The following HECW1 variants were observed in gnomAD, a reference collection of about 807,000 sequenced individuals.
HECW1 encodes the protein HECT, C2 and WW domain containing E3 ubiquitin protein ligase 1.
HECW1 carries 61 observed loss-of-function variants against 182.3 expected under a neutral mutation model. The ratio of observed to expected loss-of-function variants is 0.33; its 90% CI spans 0.27 to 0.41. The LOEUF (loss-of-function observed/expected upper bound fraction) is 0.41, where lower values mean the gene tolerates loss of function less well. Ranked by LOEUF, HECW1 falls within the 10% of genes least tolerant of loss-of-function variation. The pLI, the probability that HECW1 is intolerant of heterozygous loss-of-function variation, is 1.00. For missense variants in HECW1, 1,739 were observed against 2,108.9 expected, an observed-to-expected ratio of 0.82 and a Z score of 3.44; for synonymous variants, 859 against 832.6, an observed-to-expected ratio of 1.03 and a Z score of -0.55.
intron 24 of HECW1, among the ~76,000 whole-genome samples, chr7:43,520,346 G>A (rs1316244704): frequency 2.6e-5 from 4 of 152,096 alleles, no homozygotes; most frequent in Middle Eastern, 3.4e-3. Flanking sequence ...TGGACTCCTC[G>A]GATTCTCAGG....
intron 2 of HECW1, among the ~76,000 whole-genome samples, chr7:43,218,029 G>A (rs1796593709): frequency 6.6e-6 from 1 of 152,190 alleles, no homozygotes. Flanking sequence ...CACCAGCTAG[G>A]TATTAGGAAG....
At chr7:43,141,998 C>T (rs1027601851) in intron 2 of HECW1, among the ~76,000 whole-genome samples, 2 of 152,132 alleles carry the variant, frequency 1.3e-5, no homozygotes, top group African/African-American at 2.4e-5. Flanking sequence ...CTATTCCTCC[C>T]GAAAACCTGC....
At chr7:43,252,732 G>A (rs186129609) in intron 3 of HECW1, among the ~76,000 whole-genome samples, 120 of 152,322 alleles carry the variant, frequency 7.9e-4, no homozygotes, top group Middle Eastern at 6.8e-3. Context: ...ATAACTAGCA[G>A]TTGGCCAGAC....
intron 3 of HECW1, among the ~76,000 whole-genome samples, chr7:43,294,374 G>C (rs67210625): frequency 6.6e-6 from 1 of 152,148 alleles, no homozygotes; most frequent in African/African-American, 2.4e-5. Flanking sequence ...CATGGGGGGA[G>C]GGGGGAGGAT....
chr7:43,514,296 C>A (rs1049261110), intron 24 of HECW1, among the ~76,000 whole-genome samples: 3 of 141,482 alleles, frequency 2.1e-5, no homozygotes, highest in Non-Finnish European at 4.7e-5. Flanking sequence ...TTTTTCTTTT[C>A]TTTTCTTTTT....
intron 6 of HECW1, among the ~76,000 whole-genome samples, chr7:43,392,399 G>T (rs1338388251): frequency 6.6e-6 from 1 of 152,234 alleles, no homozygotes; most frequent in African/African-American, 2.4e-5. Context: ...CCCAAAGGAA[G>T]TAAACCCAGG....
At chr7:43,225,428 CAT>C (rs1797338795) in intron 2 of HECW1, among the ~76,000 whole-genome samples, 2 of 152,130 alleles carry the variant, frequency 1.3e-5, no homozygotes, top group Admixed American at 6.5e-5. Context: ...GGAAACCACT[CAT>C]ATGTATAACC....
Position 43,344,440 on chromosome 7 carries a change from G to A in HECW1, c.461-16446G>A, listed in dbSNP as rs141502973. ...TTGTTTCTGTTTGTGTTAAGAAGTC[G>A]TCTGTCAATATGACTCTTGCTCCTT... is the stretch of plus-strand genomic sequence containing the variant. On this transcript the variant is annotated intron_variant, in intron 5 of 29. Transcript: ENST00000395891. Among the ~76,000 whole-genome samples the A allele has an allele frequency of 3.4e-3, 501 of 148,288 alleles. 16 individuals carry two copies. Among genetic ancestry groups the A allele is most frequent in the African/African-American group, 0.013 (481 of 38,266 alleles).
At chr7:43,449,569 TTTCCATGTGTGGATA>T (rs1247413951) in intron 11 of HECW1, among the ~76,000 whole-genome samples, 1 of 152,234 alleles carries the variant, frequency 6.6e-6, no homozygotes, top group African/African-American at 2.4e-5. Context: ...ATAACCATCC[TTTCCATGTGTGGATA>T]TTCTAGGAAA....
rs983746758 is a variant in HECW1, at chr7:43,500,796, C to T, written c.3521+14C>T. 5 of 1,606,594 alleles carry T rather than the reference C, an allele frequency of 3.1e-6. No individual in the cohort carries two copies. Among genetic ancestry groups the T allele is most frequent in the Non-Finnish European group, 4.3e-6 (5 of 1,173,380 alleles). On this transcript the variant is annotated intron_variant, in intron 20 of 29. Transcript: ENST00000395891. ...CATTTTGCTGAGGTAGGGGGCTAGG[C>T]CTGAAATCCTTCTGGAAAAGCTTCC...
At chr7:43,490,035 T>A (rs2078869177) in intron 17 of HECW1, among the ~76,000 whole-genome samples, 3 of 152,192 alleles carry the variant, frequency 2.0e-5, no homozygotes, top group Admixed American at 2.0e-4. Context: ...CTTACAAAAT[T>A]ATCATCTGTT....
At chr7:43,435,281 A>T (rs1468063938) in intron 8 of HECW1, among the ~76,000 whole-genome samples, 1 of 152,166 alleles carries the variant, frequency 6.6e-6, no homozygotes, top group Non-Finnish European at 1.5e-5. Flanking sequence ...TGGACCAAAG[A>T]TATAGAAGTT....
chr7:43,172,049 G>A (rs529668006), intron 2 of HECW1, among the ~76,000 whole-genome samples: 49 of 151,826 alleles, frequency 3.2e-4, no homozygotes, highest in African/African-American at 1.1e-3. Context: ...AGGCTGAGGC[G>A]GGTGGATAAC....
intron 24 of HECW1, among the ~76,000 whole-genome samples, chr7:43,529,271 C>A (rs1372499209): frequency 6.6e-6 from 1 of 152,150 alleles, no homozygotes; most frequent in African/African-American, 2.4e-5. Flanking sequence ...TGGCCTCCTT[C>A]ATCCCAGGCC....
intron 6 of HECW1, among the ~76,000 whole-genome samples, chr7:43,384,306 T>G (rs1389014598): frequency 6.6e-6 from 1 of 152,186 alleles, no homozygotes; most frequent in African/African-American, 2.4e-5. Flanking sequence ...CTGGCCAGTA[T>G]TTAATGAAAG....
At chr7:43,292,259 A>G (rs1157993635) in intron 3 of HECW1, among the ~76,000 whole-genome samples, 1 of 152,196 alleles carries the variant, frequency 6.6e-6, no homozygotes, top group Non-Finnish European at 1.5e-5. Flanking sequence ...ACCAGCCAGG[A>G]TGGTTATTCA....
At chr7:43,133,407 T>C (rs1488040792) in intron 2 of HECW1, among the ~76,000 whole-genome samples, 3 of 152,098 alleles carry the variant, frequency 2.0e-5, no homozygotes, top group Non-Finnish European at 1.5e-5. Context: ...TTTATGCCTT[T>C]TTCCGTATCA....
intron 5 of HECW1, among the ~76,000 whole-genome samples, chr7:43,321,090 C>G (rs1395511868): frequency 6.6e-6 from 1 of 152,162 alleles, no homozygotes; most frequent in African/African-American, 2.4e-5. Context: ...TAGACCAGGT[C>G]TTCTCAACAG....
At chr7:43,535,959 A>G (rs2081164135) in intron 24 of HECW1, among the ~76,000 whole-genome samples, 1 of 152,202 alleles carries the variant, frequency 6.6e-6, no homozygotes, top group Non-Finnish European at 1.5e-5. Context: ...ACATACTAAA[A>G]CCAAGGATAT....
Sources: gnomAD v4.1 joint callset for allele counts (sites outside exome capture counted in the v4.1 genomes callset) on GRCh38, gnomAD v4.1.1 for gene constraint, MANE v1.5 for transcripts, NCBI Gene and HGNC (gene_info 2026-07-23, HGNC 2026-07-21) for gene names.